Variants in ZBTB25 observed in about 807,000 individuals in gnomAD.
ZBTB25 encodes the protein zinc finger and BTB domain-containing protein 25.
A neutral mutation model predicts 34.2 loss-of-function variants in ZBTB25; 20 were observed. The ratio of observed to expected loss-of-function variants is 0.58; its 90% CI spans 0.41 to 0.85. The LOEUF (loss-of-function observed/expected upper bound fraction) is 0.85, where lower values mean the gene tolerates loss of function less well. Ranked by LOEUF, ZBTB25 falls within the 40% of genes least tolerant of loss-of-function variation. ZBTB25 has a pLI of 0.00. For missense variants in ZBTB25, 437 were observed against 521.8 expected (o/e 0.84, Z 1.58); for synonymous variants, 175 against 186.4 (o/e 0.94, Z 0.50).
chr14:64,459,820 G>A, intron 2 of ZBTB25: 1 of 1,535,994 alleles, frequency 6.5e-7, no homozygotes, highest in Non-Finnish European at 8.7e-7. Flanking sequence ...CAGGCCCACT[G>A]GGAGTTAGGA....
At chr14:64,500,085 C>G (rs186222203) in intron 1 of ZBTB25, among the ~76,000 whole-genome samples, 4 of 151,868 alleles carry the variant, frequency 2.6e-5, no homozygotes, top group East Asian at 1.9e-4. Context: ...AATCAGAACC[C>G]GGAGAAAGAA....
At position 64,479,515 on chromosome 14, in the gene ZBTB25, G is replaced by C. The variant is rs2078754872; in HGVS notation, c.*7408C>G. The C allele has an allele frequency of 6.6e-6, 1 of 152,306 alleles. No individual in the cohort carries two copies. The highest frequency in any genetic ancestry group is 2.4e-5 in the African/African-American group (1 of 41,466). 9.4% of individuals were successfully genotyped at this position (152,306 alleles called of 1,614,324 possible). A position where few individuals can be genotyped will look rare whatever the true frequency, so the allele number is the denominator to read the frequency against. On this transcript the variant is annotated 3_prime_UTR_variant, in exon 3 of 3. Transcript: ENST00000608382. Reference sequence around the variant, plus strand: ...CAAACATTATTCTGGGTGTGTCCGTGAGGGTGTTCTGGAGGGAGACAAAAT... The same window carrying C: ...CAAACATTATTCTGGGTGTGTCCGTCAGGGTGTTCTGGAGGGAGACAAAAT...
In ZBTB25 at chr14:64,481,809, C is replaced by T. The variant is rs893772875; in HGVS notation, c.*5114G>A. The T allele has an allele frequency of 2.0e-5, 3 of 152,182 alleles. No individual in the cohort carries two copies. Among genetic ancestry groups the T allele is most frequent in the African/African-American group, 4.8e-5 (2 of 41,436 alleles). The allele number at this position is 152,182 out of a possible 1,614,324, so 9.4% of individuals were successfully genotyped here. A position where few individuals can be genotyped will look rare whatever the true frequency, so the allele number is the denominator to read the frequency against. ...ACACAGAAGTACAGCAGAGAGAAAT[C>T]ATTTACAGACTTCACTCTTAAGAAA... is the stretch of plus-strand genomic sequence containing the variant. On this transcript the variant is annotated 3_prime_UTR_variant, in exon 3 of 3. Transcript: ENST00000608382.
At chr14:64,488,400 T>C (rs1370013466) in intron 2 of ZBTB25, among the ~76,000 whole-genome samples, 5 of 151,404 alleles carry the variant, frequency 3.3e-5, no homozygotes, top group Admixed American at 2.6e-4. Flanking sequence ...TCTTAAGGAA[T>C]TTAACAGTCT....
downstream of ZBTB25, among the ~76,000 whole-genome samples, chr14:64,475,881 C>T (rs148212426): frequency 9.8e-4 from 149 of 152,320 alleles, no homozygotes; most frequent in Admixed American, 3.1e-3. Context: ...AAACTAGATG[C>T]ACTTTCCCCA....
intron 2 of ZBTB25, chr14:64,453,824 C>T: frequency 6.2e-7 from 1 of 1,612,454 alleles, no homozygotes; most frequent in Non-Finnish European, 8.5e-7. Context: ...GAATTACTTC[C>T]CGAAGCTCAA....
chr14:64,468,250 A>G (rs2078631591), intron 2 of ZBTB25: 1 of 670,076 alleles, frequency 1.5e-6, no homozygotes, highest in Non-Finnish European at 2.4e-6. Flanking sequence ...ACCACCTAAA[A>G]CAACTGTATG....
At chr14:64,454,196 T>C (rs1330121247) in intron 2 of ZBTB25, among the ~76,000 whole-genome samples, 1 of 152,234 alleles carries the variant, frequency 6.6e-6, no homozygotes, top group African/African-American at 2.4e-5. Flanking sequence ...CACTGCAGCC[T>C]CTGACTCCTA....
At chr14:64,488,950 G>A (rs1287489072) in intron 2 of ZBTB25, among the ~76,000 whole-genome samples, 2 of 152,132 alleles carry the variant, frequency 1.3e-5, no homozygotes, top group Non-Finnish European at 2.9e-5. Context: ...ACTTCTGAAA[G>A]AACCTATTGA....
chr14:64,486,151 A>C lies in ZBTB25; in HGVS notation c.*772T>G. On this transcript the variant is annotated 3_prime_UTR_variant, in exon 3 of 3. Coordinates refer to ENST00000608382, the MANE Select transcript of ZBTB25 (RefSeq NM_006977.5). ...CGTCTCTACTAAAAAAATACAAAAA[A>C]ATTAGCTGGGCGTGGTGGCGGGCGC... 1.5e-6 allele frequency: 1 copy of C among 678,902 alleles called. No individual in the cohort carries two copies. Among genetic ancestry groups the C allele is most frequent in the Non-Finnish European group, 1.8e-6 (1 of 550,484 alleles). 42.1% of individuals were successfully genotyped at this position (678,902 alleles called of 1,614,324 possible).
chr14:64,489,755 C>G (rs945200064), intron 2 of ZBTB25, among the ~76,000 whole-genome samples: 2 of 150,796 alleles, frequency 1.3e-5, no homozygotes, highest in African/African-American at 4.9e-5. Context: ...AGGCTGGTCT[C>G]GAACTCCTGA....
chr14:64,469,656 A>T, intron 2 of ZBTB25: 1 of 1,590,454 alleles, frequency 6.3e-7, no homozygotes, highest in South Asian at 1.2e-5. Flanking sequence ...GATGATAATA[A>T]AATAAACAAT....
At chr14:64,470,813 G>A (rs1255575222) in intron 2 of ZBTB25, 1 of 166,938 alleles carries the variant, frequency 6.0e-6, no homozygotes, top group Non-Finnish European at 1.5e-5. Context: ...TCATCCAGGA[G>A]AAGGGAAAAT....
intron 2 of ZBTB25, among the ~76,000 whole-genome samples, chr14:64,466,619 ATCTT>A (rs1184501810): frequency 6.6e-6 from 1 of 152,192 alleles, no homozygotes; most frequent in African/African-American, 2.4e-5. Context: ...GAATGACTTT[ATCTT>A]TCTGTTAGAG....
At chr14:64,452,692 A>G (rs1436131300) in intron 2 of ZBTB25, among the ~76,000 whole-genome samples, 2 of 152,118 alleles carry the variant, frequency 1.3e-5, no homozygotes, top group African/African-American at 2.4e-5. Flanking sequence ...TTTTATGACT[A>G]TTTCCTAATT....
chr14:64,453,878 T>C lies in ZBTB25; in HGVS notation c.174-4240A>G, dbSNP rs200582437. 80 of 1,517,230 alleles carry C rather than the reference T, an allele frequency of 5.3e-5. No individual in the cohort carries two copies. The East Asian group carries it at 1.6e-3, about 30-fold the overall frequency. 94.0% of individuals were successfully genotyped at this position (1,517,230 alleles called of 1,614,324 possible). A position where few individuals can be genotyped will look rare whatever the true frequency, so the allele number is the denominator to read the frequency against. On this transcript the variant is annotated intron_variant, in intron 2 of 2. Transcript: ENST00000555220. ...ACGAAGCAGGTAGATGTTTGGTTAG[T>C]TTGTCCTTTCAACTCTTTGCAAAGC...
chr14:64,458,453 G>A, intron 2 of ZBTB25: 1 of 706,346 alleles, frequency 1.4e-6, no homozygotes, highest in South Asian at 1.5e-5. Context: ...AGAGGGGATA[G>A]TAATGAGAGT....
intron 2 of ZBTB25, among the ~76,000 whole-genome samples, chr14:64,464,359 T>C (rs1056959911): frequency 6.6e-6 from 1 of 152,182 alleles, no homozygotes; most frequent in East Asian, 1.9e-4. Flanking sequence ...CTAAACTAGA[T>C]GCTTATGGAT....
intron 1 of ZBTB25, among the ~76,000 whole-genome samples, chr14:64,501,494 A>C (rs2079495746): frequency 6.6e-6 from 1 of 152,252 alleles, no homozygotes; most frequent in Non-Finnish European, 1.5e-5. Context: ...ATTTGGAATA[A>C]ATACACAGAA....
Sources: allele counts gnomAD v4.1 joint callset (sites outside exome capture counted in the v4.1 genomes callset), GRCh38; gene constraint gnomAD v4.1.1; transcripts MANE v1.5; gene names NCBI Gene and HGNC (gene_info 2026-07-23, HGNC 2026-07-21).